CPVL: variants seen among roughly 807,000 people sequenced by gnomAD.
CPVL encodes probable serine carboxypeptidase CPVL.
CPVL carries 51 observed loss-of-function variants against 63.7 expected under a neutral mutation model. That is an observed-to-expected ratio of 0.80 (90% CI 0.64 to 1.01). CPVL has a LOEUF of 1.01. CPVL is among the 50% of genes least tolerant of loss of function. The probability of loss-of-function intolerance (pLI) is 0.00; values close to 1 mark genes in which losing one functional copy is unlikely to be tolerated. For missense variants in CPVL, 530 were observed against 573.1 expected, an observed-to-expected ratio of 0.92 and a Z score of 0.77; for synonymous variants, 195 against 206.0, an observed-to-expected ratio of 0.95 and a Z score of 0.46.
chr7:29,093,593 A>G (rs1326712641), intron 5 of CPVL, among the ~76,000 whole-genome samples: 1 of 152,194 alleles, frequency 6.6e-6, no homozygotes. Flanking sequence ...TAGAACCTAG[A>G]AGTTCACAGA....
At chr7:29,028,225 G>A (rs913144382) in intron 12 of CPVL, among the ~76,000 whole-genome samples, 1 of 152,146 alleles carries the variant, frequency 6.6e-6, no homozygotes, top group Non-Finnish European at 1.5e-5. Context: ...ATGGTGCTGG[G>A]TAAACTGGGA....
intron 11 of CPVL, among the ~76,000 whole-genome samples, chr7:29,041,753 G>A (rs2128164651): frequency 6.6e-6 from 1 of 152,126 alleles, no homozygotes; most frequent in African/African-American, 2.4e-5. Context: ...CTTAAAATGT[G>A]GCTAGTCAAA....
chr7:29,183,842 C>T (rs751459070), intron 4 of CPVL, among the ~76,000 whole-genome samples: 1 of 152,066 alleles, frequency 6.6e-6, no homozygotes, highest in Non-Finnish European at 1.5e-5. Context: ...ATTCCACACC[C>T]ATGCATTCAA....
intron 11 of CPVL, among the ~76,000 whole-genome samples, chr7:29,056,682 T>C (rs1377423684): frequency 6.6e-6 from 1 of 152,202 alleles, no homozygotes; most frequent in East Asian, 1.9e-4. Context: ...TACAGTTCAT[T>C]TGGGTAAATA....
At chr7:29,086,856 C>T (rs1367383683) in intron 6 of CPVL, among the ~76,000 whole-genome samples, 3 of 152,154 alleles carry the variant, frequency 2.0e-5, no homozygotes, top group African/African-American at 7.2e-5. Context: ...TCACATGTTA[C>T]GTAGCAATTC....
Position 29,114,584 on chromosome 7 carries a change from C to T in CPVL, c.170-1762G>A, listed in dbSNP as rs186708645. Among the ~76,000 whole-genome samples the T allele has an allele frequency of 4.4e-3, 671 of 152,056 alleles. 4 individuals carry two copies. Among genetic ancestry groups the T allele is most frequent in the Non-Finnish European group, 7.8e-3 (528 of 67,948 alleles). Reference sequence around the variant, plus strand: ...GGTCAAGGCTGCAGTGAGCCATGATCATGCCACTGCACTCCAGCCTGGATA... The same window carrying T: ...GGTCAAGGCTGCAGTGAGCCATGATTATGCCACTGCACTCCAGCCTGGATA... On this transcript the variant is annotated intron_variant, in intron 2 of 12. Coordinates refer to ENST00000265394, the MANE Select transcript of CPVL (RefSeq NM_031311.5).
intron 1 of CPVL, among the ~76,000 whole-genome samples, chr7:29,189,617 A>G (rs542070590): frequency 3.9e-5 from 6 of 152,100 alleles, no homozygotes; most frequent in Non-Finnish European, 8.8e-5. Flanking sequence ...AAACATATTC[A>G]ATGAGTTTCT....
chr7:29,134,556 G>C (rs1056415955), intron 1 of CPVL, among the ~76,000 whole-genome samples: 7 of 152,144 alleles, frequency 4.6e-5, no homozygotes, highest in Admixed American at 1.3e-4. Flanking sequence ...AAGGAGATAA[G>C]AGAAGATATT....
chr7:29,147,045 G>A, upstream of CPVL: 1 of 1,525,478 alleles, frequency 6.6e-7, no homozygotes, highest in South Asian at 1.2e-5. Flanking sequence ...GATGTGTTCT[G>A]TACCATTATA....
chr7:29,031,302 T>C (rs1428059836), intron 11 of CPVL, among the ~76,000 whole-genome samples: 3 of 152,220 alleles, frequency 2.0e-5, no homozygotes, highest in Non-Finnish European at 4.4e-5. Flanking sequence ...GAAGCAACTA[T>C]GCCTGCCATG....
At chr7:29,179,502 A>G (rs1797797892) in intron 5 of CPVL, among the ~76,000 whole-genome samples, 3 of 152,240 alleles carry the variant, frequency 2.0e-5, no homozygotes, top group South Asian at 4.1e-4. Context: ...CTCAACACAA[A>G]TTCTTCAGGA....
Position 29,115,713 on chromosome 7 carries a change from T to A in CPVL, c.170-2891A>T, listed in dbSNP as rs551688480. On this transcript the variant is annotated intron_variant, in intron 2 of 12. Coordinates refer to ENST00000265394, the MANE Select transcript of CPVL (RefSeq NM_031311.5). ...GAGTGAGATGTGGACCACAGAGAGG[T>A]AAATGGGAAGAAGAGGATTTGAGAA... Among the ~76,000 whole-genome samples, 6 of 129,150 alleles carry A rather than the reference T, an allele frequency of 4.6e-5. No individual in the cohort carries two copies. The South Asian group carries it at 1.0e-3, about 22-fold the overall frequency. The allele number at this position is 129,150 out of a possible 152,430, so 84.7% of individuals were successfully genotyped here. A position where few individuals can be genotyped will look rare whatever the true frequency, so the allele number is the denominator to read the frequency against.
At chr7:29,118,983 A>G (rs1789060988) in intron 2 of CPVL, among the ~76,000 whole-genome samples, 1 of 152,120 alleles carries the variant, frequency 6.6e-6, no homozygotes, top group African/African-American at 2.4e-5. Flanking sequence ...CATCATTTCC[A>G]TCAGCAAACA....
At chr7:29,133,346 A>T (rs1790887838) in intron 1 of CPVL, among the ~76,000 whole-genome samples, 1 of 152,256 alleles carries the variant, frequency 6.6e-6, no homozygotes, top group Admixed American at 6.5e-5. Flanking sequence ...ACATGCTGAC[A>T]GTGCCCCTTT....
intron 1 of CPVL, among the ~76,000 whole-genome samples, chr7:29,143,092 C>T (rs1459303487): frequency 6.6e-6 from 1 of 152,180 alleles, no homozygotes; most frequent in Non-Finnish European, 1.5e-5. Flanking sequence ...CCTCCCATGC[C>T]TTCAATGGCT....
At chr7:29,110,300 G>A (rs1303599786) in intron 3 of CPVL, among the ~76,000 whole-genome samples, 3 of 152,202 alleles carry the variant, frequency 2.0e-5, no homozygotes, top group African/African-American at 7.2e-5. Flanking sequence ...GATTAGGGAA[G>A]CCAACCTCCA....
chr7:29,060,747 G>T (rs1791188707), intron 11 of CPVL, among the ~76,000 whole-genome samples: 1 of 152,148 alleles, frequency 6.6e-6, no homozygotes, highest in Admixed American at 6.5e-5. Flanking sequence ...CATCAGAGAT[G>T]CTCCACATTG....
intron 3 of CPVL, among the ~76,000 whole-genome samples, chr7:29,099,101 T>G (rs76625797): frequency 0.011 from 1,622 of 151,962 alleles, 26 homozygotes; most frequent in African/African-American, 0.037. Flanking sequence ...AAATAAAAAT[T>G]GAAAAAAGAT....
At chr7:29,146,106 C>G (rs1792577109) in intron 1 of CPVL, 1 of 154,640 alleles carries the variant, frequency 6.5e-6, no homozygotes, top group African/African-American at 2.4e-5. Flanking sequence ...GGCAGAGGAC[C>G]CCACAGCTTC....
Sources: gnomAD v4.1 joint callset for allele counts (sites outside exome capture counted in the v4.1 genomes callset) on GRCh38, gnomAD v4.1.1 for gene constraint, MANE v1.5 for transcripts, NCBI Gene and HGNC (gene_info 2026-07-23, HGNC 2026-07-21) for gene names.